Variants in EVC observed in about 807,000 individuals in gnomAD.
The protein encoded by EVC is EvC ciliary complex subunit 1, also known as evC complex member EVC.
In EVC, 116 loss-of-function variants were observed where a neutral mutation model predicts 118.9. The observed-to-expected ratio is 0.98, with a 90% CI of 0.84 to 1.14. EVC has a LOEUF of 1.14. Ranked by LOEUF, EVC falls within the 50% of genes most tolerant of loss-of-function variation. The pLI is 0.00. For synonymous variants in EVC, 619 were observed against 534.7 expected (o/e 1.16, Z -2.18); for missense variants, 1,401 against 1,246.4 (o/e 1.12, Z -1.87).
downstream of EVC, among the ~76,000 whole-genome samples, chr4:5,815,493 G>A (rs1245222584): frequency 6.6e-6 from 1 of 152,150 alleles, no homozygotes; most frequent in Non-Finnish European, 1.5e-5. Flanking sequence ...CCGTTTAGAG[G>A]GTAAAGCGTG....
At chr4:5,765,902 C>T (rs1218260196) in intron 11 of EVC, among the ~76,000 whole-genome samples, 1 of 145,042 alleles carries the variant, frequency 6.9e-6, no homozygotes, top group Non-Finnish European at 1.5e-5. Context: ...AGTCCATTTA[C>T]ATTTAAAGTT....
At chr4:5,825,977 A>G in the EVC span, 12 of 391,214 alleles carry the variant, frequency 3.1e-5, no homozygotes, top group African/African-American at 1.9e-4. The surrounding 1 kb of genome is among the most constrained non-coding windows in gnomAD (Gnocchi z 4.4). Context: ...GTAACAAAAC[A>G]GGCCTACACA....
rs760812070 is a variant in EVC at position 5,745,246 on chromosome 4, A to G, written c.844A>G (p.Asn282Asp). ...AAAGGGACTTCAGGTCAAACTGTCAAACACAGAAATGTCGGGGGCTGGTGA... is the reference window on the plus strand; with the variant it reads ...AAAGGGACTTCAGGTCAAACTGTCAGACACAGAAATGTCGGGGGCTGGTGA... ...LEKGLQVKLS[N>D]TEMSGAGDSE... Residue 282 changes from asparagine to aspartate, a missense_variant, in exon 7 of 21, where the codon AAC becomes GAC. Asn to Asp is a conservative substitution (Grantham distance 23). Coordinates refer to ENST00000264956, the MANE Select transcript of EVC (RefSeq NM_153717.3). 10 of 1,613,974 alleles carry G rather than the reference A, an allele frequency of 6.2e-6. No individual in the cohort carries two copies. The highest frequency in any genetic ancestry group is 6.8e-6 in the Non-Finnish European group (8 of 1,179,974).
In EVC at chr4:5,798,080, G is replaced by A. The variant is rs1194102134; in HGVS notation, c.2098-506G>A. 1.3e-5 allele frequency among the ~76,000 whole-genome samples: 2 copies of A among 152,150 alleles called. No homozygotes were observed. The highest frequency in any genetic ancestry group is 1.5e-5 in the Non-Finnish European group (1 of 68,030). Reference sequence around the variant, plus strand: ...CCAGGAGAGCTCCGAGGAGCAGGCAGGACTCACGGACCTCGCTACAGCCCC... The same window carrying A: ...CCAGGAGAGCTCCGAGGAGCAGGCAAGACTCACGGACCTCGCTACAGCCCC... On this transcript the variant is annotated intron_variant, in intron 14 of 20. Transcript: ENST00000264956. The surrounding 1 kb of genome is among the most constrained non-coding windows in gnomAD (Gnocchi z 4.1).
chr4:5,793,419 C>T, intron 12 of EVC, 189 bp from the exon 13 acceptor site: 8 of 632,170 alleles, frequency 1.3e-5, no homozygotes, highest in South Asian at 7.6e-5. Flanking sequence ...TGCATTTTTC[C>T]TAAATGCAAA....
chr4:5,755,382 G>A lies in EVC; in HGVS notation c.1465-882G>A, dbSNP rs150103995. ...CAGGGAAGGGTGAATGAGCGCATGC[G>A]TGCCTGAATGAACCAGGACATGGAC... is the stretch of plus-strand genomic sequence containing the variant. On this transcript the variant is annotated intron_variant, in intron 10 of 20. Coordinates refer to ENST00000264956, the MANE Select transcript of EVC (RefSeq NM_153717.3). This position sits in a 1 kb window ranked among gnomAD's most constrained non-coding sequence, Gnocchi z 4.1. Among the ~76,000 whole-genome samples, 905 of 152,130 alleles carry A rather than the reference G, an allele frequency of 5.9e-3. 8 individuals carry two copies. The highest frequency in any genetic ancestry group is 8.9e-3 in the Non-Finnish European group (605 of 68,020).
intron 8 of EVC, among the ~76,000 whole-genome samples, chr4:5,750,864 G>A (rs183875105): frequency 1.5e-4 from 23 of 152,216 alleles, no homozygotes; most frequent in East Asian, 1.4e-3. Flanking sequence ...CCTGCATACC[G>A]GGCACCAAAG....
chr4:5,801,178 G>A (rs1714903640), intron 15 of EVC, among the ~76,000 whole-genome samples: 1 of 152,204 alleles, frequency 6.6e-6, no homozygotes, highest in Admixed American at 6.5e-5. Context: ...CAAGAAATGG[G>A]GAGGTGCGTG....
the EVC span, among the ~76,000 whole-genome samples, chr4:5,822,146 T>G: frequency 6.6e-6 from 1 of 152,238 alleles, no homozygotes; most frequent in African/African-American, 2.4e-5. Flanking sequence ...ACTTACTGAG[T>G]GCCTACTGTG....
chr4:5,739,882 A>G (rs1728247504), intron 5 of EVC, among the ~76,000 whole-genome samples: 2 of 141,504 alleles, frequency 1.4e-5, no homozygotes, highest in Admixed American at 1.5e-4. Context: ...CCTGGGCAAC[A>G]CAGAGAAACC....
In EVC at chr4:5,719,372, A is replaced by T. The variant is rs1282571678; in HGVS notation, c.299A>T (p.Asp100Val). The change falls in exon 2 of 21, where the codon GAT becomes GTT. Residue 100 changes from aspartate (D) to valine (V), a missense_variant and splice_region_variant. Physicochemically the swap from Asp to Val is radical, Grantham distance 152 (BLOSUM62 -3). Coordinates refer to ENST00000264956, the MANE Select transcript of EVC (RefSeq NM_153717.3). The surrounding 1 kb of genome is among the most constrained non-coding windows in gnomAD (Gnocchi z 4.7). ...VQMSKDKEAV[D>V]ECEPPSNSNI... is the part of the protein sequence containing the mutation. ...ATGTCGAAGGACAAGGAAGCTGTTG[A>T]TGTAAGCTTGGTGTTGATGTTTGTT... The T allele has an allele frequency of 6.2e-7, 1 of 1,614,168 alleles. No homozygotes were observed. Among genetic ancestry groups the T allele is most frequent in the Admixed American group, 1.7e-5 (1 of 60,032 alleles).
chr4:5,740,486 A>G (rs1728364194), intron 5 of EVC, among the ~76,000 whole-genome samples: 1 of 146,420 alleles, frequency 6.8e-6, no homozygotes, highest in Non-Finnish European at 1.5e-5. Context: ...AAAAAAAAAA[A>G]AGAAAAAGAA....
chr4:5,770,681 T>A (rs748134125), intron 11 of EVC, among the ~76,000 whole-genome samples: 1 of 152,170 alleles, frequency 6.6e-6, no homozygotes, highest in African/African-American at 2.4e-5. Flanking sequence ...AATCAGTCAA[T>A]ATTGATGAAT....
At chr4:5,722,171 C>T (rs1236161515) in intron 2 of EVC, among the ~76,000 whole-genome samples, 1 of 152,136 alleles carries the variant, frequency 6.6e-6, no homozygotes, top group Non-Finnish European at 1.5e-5. Flanking sequence ...ATGGTGCTCC[C>T]CCTGCCATTC....
Position 5,719,569 on chromosome 4 carries a change from G to T in EVC, c.300+196G>T, listed in dbSNP as rs929038661. On this transcript the variant is annotated intron_variant, in intron 2 of 20. Coordinates refer to ENST00000264956, the MANE Select transcript of EVC (RefSeq NM_153717.3). The surrounding 1 kb of genome is among the most constrained non-coding windows in gnomAD (Gnocchi z 4.7). ...GTTTGATGAGTTTTGACAATTGCAT[G>T]CCCCTTAGAACAAATACCCCCCTGA... 6.6e-6 allele frequency among the ~76,000 whole-genome samples: 1 copy of T among 152,130 alleles called. No individual in the cohort carries two copies. The highest frequency in any genetic ancestry group is 1.5e-5 in the Non-Finnish European group (1 of 68,044).
rs531406332 is a variant in EVC, at chr4:5,808,408, C to T, written c.2688+81C>T. 6.5e-5 allele frequency: 103 copies of T among 1,596,556 alleles called. No individual in the cohort carries two copies. The African/African-American group carries it at 1.1e-3, about 17-fold the overall frequency. ...TAGCTGAAGCCAGCCTGTGACCACA[C>T]GTCAGCCATGGGGACTGCACTTCCC... On this transcript the variant is annotated intron_variant, in intron 18 of 20. Coordinates refer to ENST00000264956, the MANE Select transcript of EVC (RefSeq NM_153717.3).
chr4:5,755,327 C>T lies in EVC; in HGVS notation c.1465-937C>T, dbSNP rs883996. On this transcript the variant is annotated intron_variant, in intron 10 of 20. Coordinates refer to ENST00000264956, the MANE Select transcript of EVC (RefSeq NM_153717.3). The surrounding 1 kb of genome is among the most constrained non-coding windows in gnomAD (Gnocchi z 4.1). ...CGGTACAGTCCTCGGAACGCCTCAGCGCTGGCGTTCAGGACACGTGGGACG... is the reference window on the plus strand; with the variant it reads ...CGGTACAGTCCTCGGAACGCCTCAGTGCTGGCGTTCAGGACACGTGGGACG... 0.26 allele frequency among the ~76,000 whole-genome samples: 40,238 copies of T among 151,986 alleles called. 5,778 individuals carry two copies. The highest frequency in any genetic ancestry group is 0.37 in the African/African-American group (15,479 of 41,444).
intron 16 of EVC, among the ~76,000 whole-genome samples, chr4:5,803,094 T>C (rs956381608): frequency 5.3e-5 from 8 of 152,186 alleles, no homozygotes; most frequent in Non-Finnish European, 7.3e-5. Flanking sequence ...CCTGGGGTGA[T>C]AGAAAGGACA....
chr4:5,794,907 C>T (rs1037595660), intron 13 of EVC, among the ~76,000 whole-genome samples: 7 of 152,074 alleles, frequency 4.6e-5, no homozygotes, highest in African/African-American at 1.4e-4. Flanking sequence ...TCTTGTAGAC[C>T]CCAGGGTCTA....
Sources: allele counts gnomAD v4.1 joint callset (sites outside exome capture counted in the v4.1 genomes callset), GRCh38; gene constraint gnomAD v4.1.1; non-coding constraint Gnocchi (gnomAD v3.1); transcripts MANE v1.5; gene names NCBI Gene and HGNC (gene_info 2026-07-23, HGNC 2026-07-21).